Variants in ANKLE2 observed in about 807,000 individuals in gnomAD.
ANKLE2 encodes the protein ankyrin repeat and LEM domain containing 2, also known as ankyrin repeat and LEM domain-containing protein 2.
Under a neutral mutation model 84.2 loss-of-function variants are expected in ANKLE2, and 55 were observed. The observed-to-expected ratio is 0.65, with a 90% CI of 0.53 to 0.82. ANKLE2 has a LOEUF of 0.82. Among genes scored for constraint, ANKLE2 ranks in the 40% least tolerant of loss-of-function variants. ANKLE2 has a pLI of 0.00. For synonymous variants in ANKLE2, 551 were observed against 486.1 expected, an observed-to-expected ratio of 1.13 and a Z score of -1.76; for missense variants, 1,238 against 1,201.9, an observed-to-expected ratio of 1.03 and a Z score of -0.44.
At chr12:132,733,991 T>C (rs1260331499) in intron 10 of ANKLE2, 1 of 459,812 alleles carries the variant, frequency 2.2e-6, no homozygotes, top group East Asian at 6.9e-5. Context: ...CCATTTAACA[T>C]TAACCTTCCC....
Position 132,725,707 on chromosome 12 carries a change from C to G in ANKLE2, c.*1535G>C, listed in dbSNP as rs544459948. ...TTTTACTTTCCATTTGAATTTACAA[C>G]CATATACAGACAATATGGTAAGATT... On this transcript the variant is annotated 3_prime_UTR_variant, in exon 13 of 13. Coordinates refer to ENST00000357997, the MANE Select transcript of ANKLE2 (RefSeq NM_015114.3). 6.6e-6 allele frequency: 1 copy of G among 152,222 alleles called. No individual in the cohort carries two copies. Among genetic ancestry groups the G allele is most frequent in the South Asian group, 2.1e-4 (1 of 4,834 alleles). The allele number at this position is 152,222 out of a possible 1,614,324, so 9.4% of individuals were successfully genotyped here.
intron 1 of ANKLE2, chr12:132,759,482 G>A (rs1324498829): frequency 7.9e-6 from 1 of 127,164 alleles, no homozygotes; most frequent in Non-Finnish European, 1.5e-5. Flanking sequence ...TGCAATGCAC[G>A]AGGCCCAGTT....
intron 5 of ANKLE2, among the ~76,000 whole-genome samples, chr12:132,746,060 C>T (rs973249864): frequency 6.6e-6 from 1 of 152,164 alleles, no homozygotes; most frequent in Non-Finnish European, 1.5e-5. Context: ...TTAAGAATCA[C>T]GTTAGTGGCC....
intron 1 of ANKLE2, chr12:132,756,400 TG>T: frequency 6.6e-6 from 1 of 151,096 alleles, no homozygotes; most frequent in South Asian, 2.1e-4. Context: ...AGCATAGTAG[TG>T]CACACCTACA....
chr12:132,750,615 T>C, intron 3 of ANKLE2, 28 bp downstream of exon 3: 2 of 1,611,540 alleles, frequency 1.2e-6, no homozygotes, highest in Non-Finnish European at 1.7e-6. Flanking sequence ...GACAGGAACA[T>C]CAAGATGTGA....
Position 132,750,632 on chromosome 12 carries a change from G to C in ANKLE2, c.847+11C>G. On this transcript the variant is annotated intron_variant, in intron 3 of 12. Coordinates refer to ENST00000357997, the MANE Select transcript of ANKLE2 (RefSeq NM_015114.3). The stretch of plus-strand genomic sequence containing the variant: ...CAGGAACATCAAGATGTGAACGGCT[G>C]CATGATTTACCTTTCAACCTGTCAT... 1 of 1,613,704 alleles carries C rather than the reference G, an allele frequency of 6.2e-7. No individual in the cohort carries two copies. Among genetic ancestry groups the C allele is most frequent in the Non-Finnish European group, 8.5e-7 (1 of 1,179,648 alleles).
At chr12:132,734,275 A>C in intron 10 of ANKLE2, 110 bp downstream of exon 10, 2 of 1,173,058 alleles carry the variant, frequency 1.7e-6, no homozygotes, top group Non-Finnish European at 2.4e-6. Flanking sequence ...AAAGTACCAG[A>C]CCTTTACGTT....
intron 5 of ANKLE2, among the ~76,000 whole-genome samples, chr12:132,744,075 G>A (rs1298253502): frequency 6.6e-6 from 1 of 152,134 alleles, no homozygotes; most frequent in Admixed American, 6.5e-5. Flanking sequence ...TCCTTCCCCG[G>A]ATGGTGTCAC....
At chr12:132,747,599 C>A (rs1350561007) in intron 5 of ANKLE2, among the ~76,000 whole-genome samples, 2 of 152,180 alleles carry the variant, frequency 1.3e-5, no homozygotes, top group East Asian at 3.9e-4. Context: ...AGTTCAGACA[C>A]CCTCGGGGAC....
chr12:132,747,840 C>A lies in ANKLE2; in HGVS notation c.1222G>T (p.Asp408Tyr). Residue 408 changes from aspartate (D) to tyrosine (Y), a missense_variant, in exon 5 of 13, where the codon GAC becomes TAC. Physicochemically the swap from Asp to Tyr is radical, Grantham distance 160. This residue lies in a region of ANKLE2 where 802 missense variants were observed against 774.5 expected (regional missense o/e 1.04). Transcript: ENST00000357997. Reference sequence around the variant, plus strand: ...GGAGGGTGTGCACGCACCATCTTGTCGGGGGTGTTGAGGTACAGGTCCACC... The same window carrying A: ...GGAGGGTGTGCACGCACCATCTTGTAGGGGGTGTTGAGGTACAGGTCCACC... ...YVVDLYLNTP[D>Y]KMGYDTPLHF... is the part of the protein sequence containing the mutation. 1 of 1,598,670 alleles carries A rather than the reference C, an allele frequency of 6.3e-7. No individual in the cohort carries two copies. Among genetic ancestry groups the A allele is most frequent in the South Asian group, 1.1e-5 (1 of 88,060 alleles).
chr12:132,753,414 G>A (rs12827712), intron 2 of ANKLE2, among the ~76,000 whole-genome samples: 11,712 of 151,848 alleles, frequency 0.077, 560 homozygotes, highest in South Asian at 0.15. Flanking sequence ...TGGGTGGATC[G>A]CTTGAGGGCA....
chr12:132,754,156 C>T (rs1044167122), intron 2 of ANKLE2, among the ~76,000 whole-genome samples: 4 of 152,112 alleles, frequency 2.6e-5, no homozygotes, highest in African/African-American at 7.2e-5. Flanking sequence ...GCAGGAGAAT[C>T]GCTTAAACTG....
chr12:132,728,690 C>T (rs896733795), intron 11 of ANKLE2, among the ~76,000 whole-genome samples: 4 of 152,326 alleles, frequency 2.6e-5, no homozygotes, highest in African/African-American at 9.6e-5. Context: ...CGGATGCAGA[C>T]TCGCTGTTCT....
At chr12:132,736,106 C>T (rs1229035670) in intron 8 of ANKLE2, among the ~76,000 whole-genome samples, 1 of 152,178 alleles carries the variant, frequency 6.6e-6, no homozygotes, top group Non-Finnish European at 1.5e-5. Context: ...CGCCCACCAC[C>T]ACGCCCGGCT....
rs548481393 is a variant in ANKLE2, at chr12:132,754,901, C to T, written c.414G>A (p.Leu138=). The change falls in exon 2 of 13, where the codon TTG becomes TTA. Residue 138 remains leucine (L), a synonymous_variant. Transcript: ENST00000357997. ...CAGTTGGGTTCCCTTCAGCTGGCTT[C>T]AAAATCCTTTGTGGGTCCTGGCTGA... ...TALSQDPQRI[L]KPAEGNPTDQ... is the part of the protein sequence containing the mutation. 26 of 1,614,192 alleles carry T rather than the reference C, an allele frequency of 1.6e-5. 1 individual carries two copies. In the South Asian group the frequency reaches 2.9e-4, roughly 18 times the overall value.
intron 5 of ANKLE2, among the ~76,000 whole-genome samples, chr12:132,747,111 C>CAGGTGGAGGGTGGGGCAT (rs2044254458): frequency 6.6e-6 from 1 of 152,226 alleles, no homozygotes; most frequent in Non-Finnish European, 1.5e-5. Context: ...CCCCACAGGT[C>CAGGTGGAGGGTGGGGCAT]AGGTGGAGGG....
rs550740857 is a variant in ANKLE2, at chr12:132,747,711, T to C, written c.1230+121A>G. ...AAGAAGGCAGGTTGCAGGGGTGTAA[T>C]TGATGTATCTTTTCCCCAAAGTTAT... On this transcript the variant is annotated intron_variant, in intron 5 of 12. Transcript: ENST00000357997. 2.1e-5 allele frequency: 27 copies of C among 1,267,192 alleles called. No homozygotes were observed. In the African/African-American group the frequency reaches 2.9e-4, roughly 14 times the overall value. 78.5% of individuals were successfully genotyped at this position (1,267,192 alleles called of 1,614,324 possible). A position where few individuals can be genotyped will look rare whatever the true frequency, so the allele number is the denominator to read the frequency against.
At chr12:132,748,467 C>G in intron 3 of ANKLE2, 136 bp from the exon 4 acceptor site, 1 of 936,184 alleles carries the variant, frequency 1.1e-6, no homozygotes, top group South Asian at 1.6e-5. Flanking sequence ...TGAGAAAAGA[C>G]GAGAAGGGCC....
At chr12:132,734,757 C>T in intron 9 of ANKLE2, 182 bp from the exon 10 acceptor site, 1 of 615,950 alleles carries the variant, frequency 1.6e-6, no homozygotes, top group East Asian at 3.0e-5. Flanking sequence ...AGCACGCCTC[C>T]TCACAGGTAA....
Sources: gnomAD v4.1 joint callset for allele counts (sites outside exome capture counted in the v4.1 genomes callset) on GRCh38, gnomAD v4.1.1 for gene constraint, gnomAD v4.1.1 regional missense constraint, MANE v1.5 for transcripts, NCBI Gene and HGNC (gene_info 2026-07-23, HGNC 2026-07-21) for gene names.